The following DOCK2 variants were observed in gnomAD, a reference collection of about 807,000 sequenced individuals.
DOCK2 encodes dedicator of cytokinesis protein 2.
Under a neutral mutation model 248.9 loss-of-function variants are expected in DOCK2, and 87 were observed. That is an observed-to-expected ratio of 0.35 (90% confidence interval 0.29 to 0.42). The LOEUF (loss-of-function observed/expected upper bound fraction) is 0.42. DOCK2 is among the 10% of genes least tolerant of loss of function. The pLI is 1.00. For missense variants in DOCK2, 1,747 were observed against 2,300.2 expected, an observed-to-expected ratio of 0.76 and a Z score of 4.92; for synonymous variants, 805 against 821.6, an observed-to-expected ratio of 0.98 and a Z score of 0.35.
chr5:169,649,135 T>C (rs908072388), intron 1 of DOCK2, among the ~76,000 whole-genome samples: 3 of 152,188 alleles, frequency 2.0e-5, no homozygotes, highest in South Asian at 2.1e-4. Context: ...CCCCCTGGAG[T>C]GGAGACTCTC....
intron 27 of DOCK2, among the ~76,000 whole-genome samples, chr5:169,855,503 G>T (rs1770837445): frequency 6.6e-6 from 1 of 152,140 alleles, no homozygotes; most frequent in Non-Finnish European, 1.5e-5. Context: ...GTAGGGGAAG[G>T]AATTTTTATG....
intron 2 of DOCK2, among the ~76,000 whole-genome samples, chr5:169,664,181 A>T (rs1014540405): frequency 7.2e-5 from 11 of 152,174 alleles, no homozygotes; most frequent in African/African-American, 2.7e-4. Flanking sequence ...GCAGGGGAAA[A>T]GTGCTGCCAG....
At chr5:169,682,386 G>A (rs1384627940) in intron 7 of DOCK2, among the ~76,000 whole-genome samples, 1 of 152,218 alleles carries the variant, frequency 6.6e-6, no homozygotes, top group Non-Finnish European at 1.5e-5. Context: ...AAGGCCCTGA[G>A]GTAGGACTGC....
At chr5:169,875,514 T>C in intron 27 of DOCK2, 1 of 320,932 alleles carries the variant, frequency 3.1e-6, no homozygotes, top group South Asian at 2.6e-5. Context: ...ATCTGGCTTG[T>C]TGGAAGACAG....
intron 27 of DOCK2, among the ~76,000 whole-genome samples, chr5:169,968,856 G>A (rs974529455): frequency 2.6e-5 from 4 of 152,102 alleles, no homozygotes; most frequent in East Asian, 1.9e-4. Context: ...AAGGCTTCCC[G>A]GGAGAAGAAA....
intron 26 of DOCK2, among the ~76,000 whole-genome samples, chr5:169,808,922 T>C (rs1437372800): frequency 6.6e-6 from 1 of 152,170 alleles, no homozygotes; most frequent in African/African-American, 2.4e-5. Context: ...AAAAAGTATT[T>C]GAGTCTATTG....
chr5:169,747,322 G>C (rs1763666253), intron 22 of DOCK2, 74 bp from the exon 23 acceptor site: 1 of 1,357,318 alleles, frequency 7.4e-7, no homozygotes, highest in Non-Finnish European at 1.0e-6. Flanking sequence ...TTTAAATGAA[G>C]TTTGTGCCTA....
intron 27 of DOCK2, among the ~76,000 whole-genome samples, chr5:169,851,552 G>C (rs1770617871): frequency 6.6e-6 from 1 of 152,198 alleles, no homozygotes; most frequent in Admixed American, 6.5e-5. Context: ...TGCCATTGCT[G>C]TTGCTGCTGC....
chr5:170,045,173 C>T (rs1006556785), intron 38 of DOCK2, among the ~76,000 whole-genome samples: 7 of 152,110 alleles, frequency 4.6e-5, no homozygotes, highest in Non-Finnish European at 1.0e-4. Flanking sequence ...ATCAAATAAT[C>T]CCATTAAAAA....
In DOCK2 at chr5:169,714,270, A is replaced by G. The variant is rs1462949674; in HGVS notation, c.1843+59A>G. ...AGTGTGTGTGTCCGTGTGTGTGTACATGTGTGTATGTGCTTGCAGACCCAA... is the reference window on the plus strand; with the variant it reads ...AGTGTGTGTGTCCGTGTGTGTGTACGTGTGTGTATGTGCTTGCAGACCCAA... On this transcript the variant is annotated intron_variant, in intron 18 of 51. Transcript: ENST00000520908. 6 of 1,606,822 alleles carry G rather than the reference A, an allele frequency of 3.7e-6. No individual in the cohort carries two copies. The African/African-American group carries it at 5.4e-5, about 14-fold the overall frequency.
Position 169,714,045 on chromosome 5 carries a change from G to C in DOCK2, c.1677G>C (p.Met559Ile). The change falls in exon 18 of 52, where the codon ATG becomes ATC. Residue 559 changes from methionine (M) to isoleucine (I), a missense_variant. By Grantham distance (10) the Met-to-Ile change is conservative. Coordinates refer to ENST00000520908, the MANE Select transcript of DOCK2 (RefSeq NM_004946.3). ...LVVLKGDSKK[M>I]EDASAYLTLP... The stretch of plus-strand genomic sequence containing the variant: ...GTTTCCAGGGGGACAGCAAGAAGAT[G>C]GAGGATGCCAGCGCATACCTGACCC... 6.9e-6 allele frequency: 11 copies of C among 1,603,062 alleles called. 1 individual carries two copies.
At chr5:170,062,083 A>G (rs1356770292) in intron 44 of DOCK2, among the ~76,000 whole-genome samples, 1 of 150,136 alleles carries the variant, frequency 6.7e-6, no homozygotes, top group Non-Finnish European at 1.5e-5. Context: ...ATGTGTATCT[A>G]TGTGTGTATG....
At chr5:169,976,291 A>G (rs1777715653) in intron 27 of DOCK2, among the ~76,000 whole-genome samples, 1 of 152,190 alleles carries the variant, frequency 6.6e-6, no homozygotes, top group Non-Finnish European at 1.5e-5. Flanking sequence ...GAAAGGCCTA[A>G]ATTTTAGGTC....
At chr5:170,081,784 C>T in intron 50 of DOCK2, 58 bp from the exon 51 acceptor site, 4 of 1,509,376 alleles carry the variant, frequency 2.7e-6, no homozygotes, top group Non-Finnish European at 3.6e-6. Flanking sequence ...CTACCTCCCC[C>T]AAGGCACTGC....
chr5:169,885,793 C>T (rs760577264), intron 27 of DOCK2, among the ~76,000 whole-genome samples: 35 of 152,256 alleles, frequency 2.3e-4, no homozygotes, highest in Non-Finnish European at 4.4e-4. Flanking sequence ...TTGAATAAAC[C>T]GAGGCCCAGA....
intron 26 of DOCK2, among the ~76,000 whole-genome samples, chr5:169,825,882 A>C (rs901072102): frequency 1.3e-5 from 2 of 151,884 alleles, no homozygotes; most frequent in African/African-American, 4.8e-5. Flanking sequence ...GAGTCACAAC[A>C]CTACACCCTC....
chr5:169,877,003 G>A (rs1410869145), intron 27 of DOCK2, among the ~76,000 whole-genome samples: 1 of 152,244 alleles, frequency 6.6e-6, no homozygotes. Context: ...AATAGGATCA[G>A]TGACCTAGCA....
At chr5:169,759,092 G>C (rs1764341326) in intron 23 of DOCK2, among the ~76,000 whole-genome samples, 1 of 152,156 alleles carries the variant, frequency 6.6e-6, no homozygotes, top group Admixed American at 6.5e-5. Flanking sequence ...GGATGCATCA[G>C]TTACTTTAAG....
At chr5:169,669,200 G>A in intron 2 of DOCK2, 88 bp from the exon 3 acceptor site, 1 of 1,110,466 alleles carries the variant, frequency 9.0e-7, no homozygotes, top group Non-Finnish European at 1.3e-6. Context: ...AGTTTTACTA[G>A]TTTAAAACAA....
Sources: gnomAD v4.1 joint callset for allele counts (sites outside exome capture counted in the v4.1 genomes callset) on GRCh38, gnomAD v4.1.1 for gene constraint, MANE v1.5 for transcripts, NCBI Gene and HGNC (gene_info 2026-07-23, HGNC 2026-07-21) for gene names.